The following RNF17 variants were observed in gnomAD, a reference collection of about 807,000 sequenced individuals.
RNF17 encodes the protein ring finger protein 17.
RNF17 carries 31 observed loss-of-function variants against 200.5 expected under a neutral mutation model. The ratio of observed to expected loss-of-function variants is 0.15; its 90% CI spans 0.12 to 0.21. RNF17 has a LOEUF of 0.21. Ranked by LOEUF, RNF17 falls within the 10% of genes least tolerant of loss-of-function variation. RNF17 has a pLI of 1.00. For synonymous variants in RNF17, 606 were observed against 637.8 expected (o/e 0.95, Z 0.75); for missense variants, 1,628 against 1,905.1 (o/e 0.85, Z 2.71).
Position 24,787,997 on chromosome 13 carries a change from C to A in RNF17, c.621C>A (p.Asn207Lys), listed in dbSNP as rs1593251854. The A allele has an allele frequency of 6.5e-7, 1 of 1,543,560 alleles. No homozygotes were observed. The highest frequency in any genetic ancestry group is 1.3e-5 in the South Asian group (1 of 79,190). Residue 207 changes from asparagine (N) to lysine (K), a missense_variant, in exon 7 of 36, where the codon AAC becomes AAA. Asn to Lys is a moderately conservative substitution (Grantham distance 94). Coordinates refer to ENST00000255324, the MANE Select transcript of RNF17 (RefSeq NM_031277.3). ...GGAATCTTAAATGAAGGAAAAAGAACCTGTGTGAAGAATTTGCAAGAACTA... is the reference window on the plus strand; with the variant it reads ...GGAATCTTAAATGAAGGAAAAAGAAACTGTGTGAAGAATTTGCAAGAACTA... ...LLAFFDSRKKNLCEEFARTTD... is the reference protein window; with the variant it reads ...LLAFFDSRKKKLCEEFARTTD...
At chr13:24,826,858 C>G (rs928241333) in intron 16 of RNF17, among the ~76,000 whole-genome samples, 1 of 151,686 alleles carries the variant, frequency 6.6e-6, no homozygotes, top group Non-Finnish European at 1.5e-5. Flanking sequence ...GTCGGGAGTT[C>G]GAGACCAGCC....
rs1193008363 is a variant in RNF17 at position 24,802,424 on chromosome 13, T to C, written c.1802T>C (p.Met601Thr). 1 of 1,613,392 alleles carries C rather than the reference T, an allele frequency of 6.2e-7. No homozygotes were observed. Among genetic ancestry groups the C allele is most frequent in the South Asian group, 1.1e-5 (1 of 90,832 alleles). ...GAAGCTAAAGTGGAATTTTTGAAAATGGTAAATAACAAGGCTGTTTCAATG... is the reference window on the plus strand; with the variant it reads ...GAAGCTAAAGTGGAATTTTTGAAAACGGTAAATAACAAGGCTGTTTCAATG... Reference protein sequence around the residue: ...EEEAKVEFLKMVNNKAVSMKV... With the variant: ...EEEAKVEFLKTVNNKAVSMKV... The change falls in exon 14 of 36, where the codon ATG becomes ACG. Residue 601 changes from methionine (M) to threonine (T), a missense_variant. Met to Thr is a moderately conservative substitution (Grantham distance 81). Around this residue, in one of 5 missense-constraint regions of RNF17, gnomAD observed 289 missense variants for 384.9 expected, o/e 0.75. Transcript: ENST00000255324.
intron 10 of RNF17, among the ~76,000 whole-genome samples, chr13:24,794,987 G>A (rs975091451): frequency 6.6e-6 from 1 of 152,186 alleles, no homozygotes; most frequent in African/African-American, 2.4e-5. Flanking sequence ...CCAAAGTGCC[G>A]GGATTATAGG....
At chr13:24,834,027 C>G (rs1262393399) in intron 18 of RNF17, among the ~76,000 whole-genome samples, 1 of 152,102 alleles carries the variant, frequency 6.6e-6, no homozygotes, top group East Asian at 1.9e-4. Flanking sequence ...TATTGAGGCT[C>G]AGTGTTGCTT....
At chr13:24,854,471 T>C (rs544837644) in intron 25 of RNF17, among the ~76,000 whole-genome samples, 36 of 152,114 alleles carry the variant, frequency 2.4e-4, no homozygotes, top group African/African-American at 8.4e-4. Context: ...ATGCCAATTT[T>C]TTTTTTTAAT....
chr13:24,849,446 G>C (rs1891607692), intron 22 of RNF17, among the ~76,000 whole-genome samples: 1 of 152,082 alleles, frequency 6.6e-6, no homozygotes. Context: ...ATTTTTTTGA[G>C]TTTTTTGTTT....
the RNF17 span, among the ~76,000 whole-genome samples, chr13:24,887,046 A>G: frequency 6.6e-6 from 1 of 152,180 alleles, no homozygotes; most frequent in African/African-American, 2.4e-5. Context: ...AACTGGGGAC[A>G]GTGGAAGCTA....
chr13:24,807,056 C>T (rs1256708987), intron 15 of RNF17, among the ~76,000 whole-genome samples: 1 of 151,566 alleles, frequency 6.6e-6, no homozygotes, highest in Non-Finnish European at 1.5e-5. Context: ...CATTGTTGGA[C>T]ATTTGGCTTG....
chr13:24,793,523 A>G (rs1469592862), intron 10 of RNF17, among the ~76,000 whole-genome samples, 177 bp downstream of exon 10: 1 of 152,110 alleles, frequency 6.6e-6, no homozygotes, highest in African/African-American at 2.4e-5. Context: ...CAGAGTTAGG[A>G]TAATTTTTAT....
intron 22 of RNF17, among the ~76,000 whole-genome samples, chr13:24,847,009 A>T (rs1309441758): frequency 1.4e-5 from 2 of 143,436 alleles, no homozygotes; most frequent in Non-Finnish European, 3.1e-5. Flanking sequence ...AAAAACTTTA[A>T]TGAACCTGTG....
At chr13:24,775,091 G>A (rs144901034) in intron 3 of RNF17, among the ~76,000 whole-genome samples, 187 bp downstream of exon 3, 3 of 150,284 alleles carry the variant, frequency 2.0e-5, no homozygotes, top group Middle Eastern at 3.4e-3. Flanking sequence ...AAGAAGCAGC[G>A]TTTGTTTGTC....
downstream of RNF17, among the ~76,000 whole-genome samples, chr13:24,881,932 AGATAC>A (rs1320753607): frequency 3.4e-4 from 29 of 85,106 alleles, no homozygotes; most frequent in South Asian, 7.4e-4. Context: ...ATAGATATAT[AGATAC>A]ATCTATATAG....
intron 10 of RNF17, among the ~76,000 whole-genome samples, chr13:24,795,405 G>C (rs1884439936): frequency 6.7e-6 from 1 of 148,184 alleles, no homozygotes; most frequent in Non-Finnish European, 1.5e-5. Context: ...CTCTCTCTAT[G>C]TGTGTGTGGC....
intron 32 of RNF17, among the ~76,000 whole-genome samples, chr13:24,872,734 T>A (rs1245185812): frequency 1.3e-5 from 2 of 152,168 alleles, no homozygotes; most frequent in Non-Finnish European, 2.9e-5. Flanking sequence ...ACTAGGGCTT[T>A]GTTGGTCATG....
chr13:24,800,759 G>T (rs1219133795), intron 13 of RNF17, among the ~76,000 whole-genome samples: 1 of 152,162 alleles, frequency 6.6e-6, no homozygotes, highest in African/African-American at 2.4e-5. Flanking sequence ...TTAACATAAT[G>T]ATTGGTTAAG....
chr13:24,882,396 A>AATT (rs939929944), downstream of RNF17: 1 of 152,014 alleles, frequency 6.6e-6, no homozygotes, highest in African/African-American at 2.4e-5. Flanking sequence ...ACCAATCTGT[A>AATT]ATTATTTATT....
chr13:24,882,888 C>G (rs771835172), downstream of RNF17: 3 of 384,086 alleles, frequency 7.8e-6, no homozygotes, highest in Non-Finnish European at 1.5e-5. Context: ...TTTTTTATAG[C>G]CATTTCTAAC....
At position 24,799,496 on chromosome 13, in the gene RNF17, A is replaced by T. The variant is rs9507413; in HGVS notation, c.1501A>T (p.Ser501Cys). ...IEGRNTRKPC[S>C]PTRLFVHEVA... ...GGGTAGAAATACCAGAAAACCTTGT[A>T]GTCCAACCAGATTATTTGTCCATGA... Residue 501 changes from serine to cysteine, a missense_variant, in exon 12 of 36, where the codon AGT becomes TGT. By Grantham distance (112) the Ser-to-Cys change is moderately radical. Transcript: ENST00000255324. 6.2e-7 allele frequency: 1 copy of T among 1,611,438 alleles called. No homozygotes were observed.
intron 22 of RNF17, among the ~76,000 whole-genome samples, chr13:24,848,254 G>A (rs1891468492): frequency 6.6e-6 from 1 of 150,764 alleles, no homozygotes; most frequent in South Asian, 2.2e-4. Context: ...TAACCACTCT[G>A]TTTTACTGTC....
Sources: allele counts gnomAD v4.1 joint callset (sites outside exome capture counted in the v4.1 genomes callset), GRCh38; gene constraint gnomAD v4.1.1; regional missense constraint gnomAD v4.1.1; transcripts MANE v1.5; gene names NCBI Gene and HGNC (gene_info 2026-07-23, HGNC 2026-07-21).